The following BEND7 variants were observed in gnomAD, a reference collection of about 807,000 sequenced individuals.
BEND7 encodes BEN domain-containing protein 7.
A neutral mutation model predicts 50.9 loss-of-function variants in BEND7; 28 were observed. That is an observed-to-expected ratio of 0.55 (90% CI 0.41 to 0.75). The LOEUF (loss-of-function observed/expected upper bound fraction) is 0.75. BEND7 is among the 30% of genes least tolerant of loss of function. The probability of loss-of-function intolerance (pLI) is 0.00; values close to 1 mark genes in which losing one functional copy is unlikely to be tolerated. For synonymous variants in BEND7, 170 were observed against 183.9 expected (o/e 0.92, Z 0.61); for missense variants, 477 against 491.3 (o/e 0.97, Z 0.28).
At chr10:13,486,317 A>G (rs2076220592) in intron 5 of BEND7, among the ~76,000 whole-genome samples, 1 of 152,238 alleles carries the variant, frequency 6.6e-6, no homozygotes, top group South Asian at 2.1e-4. Flanking sequence ...GCGGGAGCCA[A>G]CATGCTCAGC....
intron 6 of BEND7, among the ~76,000 whole-genome samples, chr10:13,477,007 C>T (rs1588838426): frequency 6.6e-6 from 1 of 152,050 alleles, no homozygotes; most frequent in East Asian, 1.9e-4. Flanking sequence ...ACAAAAGAGG[C>T]TTATATTTTA....
chr10:13,507,019 G>A (rs956075995), intron 2 of BEND7, among the ~76,000 whole-genome samples: 2 of 152,142 alleles, frequency 1.3e-5, no homozygotes, highest in African/African-American at 4.8e-5. Context: ...GGGTGCATGA[G>A]TTTGAGCATG....
In BEND7 at chr10:13,482,609, T is replaced by C. The variant is rs376376620; in HGVS notation, c.838-1485A>G. On this transcript the variant is annotated intron_variant, in intron 5 of 8. Transcript: ENST00000466271. The stretch of plus-strand genomic sequence containing the variant: ...TTCTTTGGATGACACAGGAAGGAGT[T>C]TGGGCCTGGTCCCTCCAAAATAGAA... 5.6e-4 allele frequency among the ~76,000 whole-genome samples: 85 copies of C among 152,352 alleles called. 1 individual carries two copies. The highest frequency in any genetic ancestry group is 3.4e-3 in the Middle Eastern group (1 of 294).
chr10:13,527,883 CTTTTCTTTT>C (rs983421452), intron 1 of BEND7: 58 of 978,388 alleles, frequency 5.9e-5, no homozygotes, highest in Non-Finnish European at 6.6e-5. Context: ...TCTTTTCTTT[CTTTTCTTTT>C]TTCTTTTTTT....
chr10:13,502,801 CT>C (rs2077575275), intron 2 of BEND7: 11 of 701,396 alleles, frequency 1.6e-5, no homozygotes, highest in East Asian at 1.3e-4. Context: ...GCCGCCACCC[CT>C]GACCCCAGGC....
intron 6 of BEND7, among the ~76,000 whole-genome samples, chr10:13,464,137 G>C (rs1441183469): frequency 6.6e-6 from 1 of 152,232 alleles, no homozygotes; most frequent in Admixed American, 6.5e-5. Context: ...TGAAGACGCT[G>C]TTCCTTGTTA....
At chr10:13,492,565 A>G (rs781465477) in intron 5 of BEND7, 46 bp downstream of exon 5, 3 of 1,603,898 alleles carry the variant, frequency 1.9e-6, no homozygotes, top group African/African-American at 2.7e-5. Context: ...AAAATTCCCA[A>G]AAGTTACATA....
At chr10:13,469,322 T>C (rs1397883433) in intron 6 of BEND7, among the ~76,000 whole-genome samples, 1 of 150,978 alleles carries the variant, frequency 6.6e-6, no homozygotes, top group Non-Finnish European at 1.5e-5. Context: ...CAGGGAGCAG[T>C]CAGTGGGAAG....
chr10:13,478,722 T>A (rs761073082), intron 6 of BEND7, among the ~76,000 whole-genome samples: 1 of 152,212 alleles, frequency 6.6e-6, no homozygotes, highest in Non-Finnish European at 1.5e-5. Flanking sequence ...AATATATGTC[T>A]ATGAATAAAC....
At chr10:13,467,384 A>G (rs140641045) in intron 6 of BEND7, among the ~76,000 whole-genome samples, 2 of 152,356 alleles carry the variant, frequency 1.3e-5, no homozygotes, top group Non-Finnish European at 2.9e-5. Flanking sequence ...TATTTAAACC[A>G]AAATCCCACA....
chr10:13,480,704 C>G (rs1204960430), intron 6 of BEND7, 195 bp downstream of exon 6: 1 of 985,092 alleles, frequency 1.0e-6, no homozygotes, highest in East Asian at 1.1e-4. Context: ...ATTAACATTA[C>G]CTTGAATAAT....
intron 2 of BEND7, chr10:13,502,954 C>T: frequency 1.0e-6 from 1 of 984,328 alleles, no homozygotes; most frequent in South Asian, 4.7e-5. Context: ...CCTGCCTCTG[C>T]TCTGTAGATA....
chr10:13,465,520 C>A (rs2074150244), intron 6 of BEND7, among the ~76,000 whole-genome samples: 1 of 152,168 alleles, frequency 6.6e-6, no homozygotes, highest in South Asian at 2.1e-4. Context: ...CTGTTATTTT[C>A]AGCTGGCTGA....
intron 5 of BEND7, among the ~76,000 whole-genome samples, chr10:13,487,963 GGCACCCATAGTCCCA>G (rs564936172): frequency 1.6e-3 from 243 of 151,742 alleles, no homozygotes; most frequent in African/African-American, 5.7e-3. Context: ...CATGGTGGCA[GGCACCCATAGTCCCA>G]GCTACTCAGG....
downstream of BEND7, chr10:13,439,049 G>A: frequency 1.1e-6 from 1 of 948,516 alleles, no homozygotes; most frequent in Non-Finnish European, 1.6e-6. Context: ...TGGGCAAAGG[G>A]GAGAGAGGGC....
intron 6 of BEND7, among the ~76,000 whole-genome samples, chr10:13,456,478 A>T (rs1053726844): frequency 6.6e-6 from 1 of 152,144 alleles, no homozygotes; most frequent in Admixed American, 6.5e-5. Flanking sequence ...TAGGGCTGAG[A>T]GTCTTAGTGG....
intron 2 of BEND7, among the ~76,000 whole-genome samples, chr10:13,508,476 T>C (rs1244605057): frequency 6.6e-6 from 1 of 152,154 alleles, no homozygotes; most frequent in Non-Finnish European, 1.5e-5. Flanking sequence ...ATAGGCTGAA[T>C]GCCACGGAAA....
At chr10:13,444,223 T>A in intron 8 of BEND7, 1 of 152,170 alleles carries the variant, frequency 6.6e-6, no homozygotes. Context: ...CGGGGCTGAT[T>A]CTTGGTAGTT....
At chr10:13,471,966 G>T (rs1036625276) in intron 6 of BEND7, among the ~76,000 whole-genome samples, 23 of 151,872 alleles carry the variant, frequency 1.5e-4, no homozygotes, top group Non-Finnish European at 2.8e-4. Context: ...TTAGACTCGG[G>T]GTCAATACCC....
Sources: allele counts gnomAD v4.1 joint callset (sites outside exome capture counted in the v4.1 genomes callset), GRCh38; gene constraint gnomAD v4.1.1; transcripts MANE v1.5; gene names NCBI Gene and HGNC (gene_info 2026-07-23, HGNC 2026-07-21).